KLHL2: variants seen among roughly 807,000 people sequenced by gnomAD.
KLHL2 encodes the protein kelch-like protein 2.
KLHL2 carries 15 observed loss-of-function variants against 75.8 expected under a neutral mutation model. The observed-to-expected ratio is 0.20, with a 90% CI of 0.13 to 0.30. The LOEUF (loss-of-function observed/expected upper bound fraction) is 0.30, where lower values mean the gene tolerates loss of function less well. Among genes scored for constraint, KLHL2 ranks in the 10% least tolerant of loss-of-function variants. The probability of loss-of-function intolerance (pLI) is 1.00; values close to 1 mark genes in which losing one functional copy is unlikely to be tolerated. For missense variants in KLHL2, 381 were observed against 741.0 expected, an observed-to-expected ratio of 0.51 and a Z score of 5.64; for synonymous variants, 214 against 251.9, an observed-to-expected ratio of 0.85 and a Z score of 1.42.
At chr4:165,311,632 T>A in intron 11 of KLHL2, 67 bp downstream of exon 11, 1 of 1,133,692 alleles carries the variant, frequency 8.8e-7, no homozygotes, top group South Asian at 1.3e-5. Flanking sequence ...CTTCCAGTAA[T>A]CTCAACTTTA....
intron 4 of KLHL2, among the ~76,000 whole-genome samples, chr4:165,254,408 G>C (rs556469599): frequency 1.2e-4 from 19 of 152,130 alleles, no homozygotes; most frequent in Non-Finnish European, 2.4e-4. Flanking sequence ...TAATGCTAAA[G>C]TAAAAGTCAT....
At chr4:165,245,289 G>T (rs891286773) in intron 4 of KLHL2, among the ~76,000 whole-genome samples, 2 of 152,174 alleles carry the variant, frequency 1.3e-5, no homozygotes, top group Non-Finnish European at 2.9e-5. Flanking sequence ...ATTCAGGTCT[G>T]AATGAGATGC....
chr4:165,230,569 CTT>C (rs35635891), intron 3 of KLHL2, among the ~76,000 whole-genome samples: 135 of 139,744 alleles, frequency 9.7e-4, no homozygotes, highest in Non-Finnish European at 1.2e-3. Context: ...AAGCTAGGCT[CTT>C]TTTTTTTTTT....
chr4:165,262,216 T>C (rs984503906), intron 4 of KLHL2, among the ~76,000 whole-genome samples: 1 of 152,244 alleles, frequency 6.6e-6, no homozygotes, highest in Non-Finnish European at 1.5e-5. Context: ...ATAATTAATA[T>C]AAAATTGCTT....
At chr4:165,226,590 G>T (rs191592872) in intron 2 of KLHL2, among the ~76,000 whole-genome samples, 3 of 152,166 alleles carry the variant, frequency 2.0e-5, no homozygotes, top group African/African-American at 4.8e-5. Context: ...TGGTCTTGCA[G>T]TACTTTGTTG....
chr4:165,214,449 A>G (rs1159220924), intron 1 of KLHL2, among the ~76,000 whole-genome samples: 1 of 152,158 alleles, frequency 6.6e-6, no homozygotes, highest in Admixed American at 6.5e-5. Flanking sequence ...AGGGACAAAA[A>G]GTGCCTGATT....
In KLHL2 at chr4:165,278,433, G is replaced by A. The variant is rs184929083; in HGVS notation, c.544+15074G>A. On this transcript the variant is annotated intron_variant, in intron 5 of 14. Coordinates refer to ENST00000226725, the MANE Select transcript of KLHL2 (RefSeq NM_007246.4). Reference sequence around the variant, plus strand: ...CGATTCATGGCATCCAAAATCTCTCGAGTTTGGAAACAAACAGCTTCTAAT... The same window carrying A: ...CGATTCATGGCATCCAAAATCTCTCAAGTTTGGAAACAAACAGCTTCTAAT... The A allele has an allele frequency of 1.7e-4, 251 of 1,492,312 alleles. 1 individual carries two copies. In the East Asian group the frequency reaches 5.1e-3, roughly 30 times the overall value. The allele number at this position is 1,492,312 out of a possible 1,614,324, so 92.4% of individuals were successfully genotyped here.
intron 1 of KLHL2, among the ~76,000 whole-genome samples, chr4:165,213,318 G>A (rs1352270521): frequency 6.6e-6 from 1 of 152,190 alleles, no homozygotes; most frequent in Non-Finnish European, 1.5e-5. Flanking sequence ...AGAGTCATGT[G>A]AAGTGACTTA....
rs1424688371 is a variant in KLHL2, at chr4:165,299,591, A to G, written c.856A>G (p.Thr286Ala). 2 of 1,613,814 alleles carry G rather than the reference A, an allele frequency of 1.2e-6. No individual in the cohort carries two copies. Among genetic ancestry groups the G allele is most frequent in the South Asian group, 2.2e-5 (2 of 91,070 alleles). ...IEAMKYHLLP[T>A]EQRILMKSVR... ...AGCAATGAAGTACCATTTGCTGCCAACAGAGCAGCGTATATTAATGAAGAG... is the reference window on the plus strand; with the variant it reads ...AGCAATGAAGTACCATTTGCTGCCAGCAGAGCAGCGTATATTAATGAAGAG... Residue 286 changes from threonine to alanine, a missense_variant, in exon 8 of 15, where the codon ACA (threonine) becomes GCA (alanine). Thr to Ala is a moderately conservative substitution (Grantham distance 58). Coordinates refer to ENST00000226725, the MANE Select transcript of KLHL2 (RefSeq NM_007246.4).
intron 4 of KLHL2, among the ~76,000 whole-genome samples, chr4:165,258,544 T>C (rs546240160): frequency 6.6e-6 from 1 of 152,306 alleles, no homozygotes; most frequent in African/African-American, 2.4e-5. Context: ...CTACCTCATA[T>C]GAGAAGCAGC....
chr4:165,287,534 T>C (rs10471096), intron 5 of KLHL2, among the ~76,000 whole-genome samples: 72,088 of 152,030 alleles, frequency 0.47, 18,033 homozygotes, highest in African/African-American at 0.61. Flanking sequence ...TTGGATCATA[T>C]GGTAGTTCTA....
Position 165,292,341 on chromosome 4 carries a change from A to AT in KLHL2, c.545-2009dup, listed in dbSNP as rs112716763. ...TAGTTATCTTGGGGTGAACTTTTTT[A>AT]TTTTTTTTTGAGACAGAATCTTACT... On this transcript the variant is annotated intron_variant, in intron 5 of 14. Transcript: ENST00000226725. 2.3e-3 allele frequency among the ~76,000 whole-genome samples: 351 copies of AT among 150,310 alleles called. 2 individuals are homozygous for AT. Among genetic ancestry groups the AT allele is most frequent in the African/African-American group, 8.2e-3 (336 of 40,838 alleles).
At chr4:165,218,917 T>C (rs535942881) in intron 1 of KLHL2, among the ~76,000 whole-genome samples, 74 of 152,354 alleles carry the variant, frequency 4.9e-4, no homozygotes, top group Admixed American at 1.4e-3. Flanking sequence ...ATTTTTTATG[T>C]AATAGCTTTA....
intron 14 of KLHL2, 92 bp downstream of exon 14, chr4:165,318,061 G>T: frequency 8.5e-7 from 1 of 1,181,476 alleles, no homozygotes; most frequent in Non-Finnish European, 1.2e-6. Flanking sequence ...TAAGAATAAA[G>T]TCTTTTCTCA....
intron 1 of KLHL2, among the ~76,000 whole-genome samples, chr4:165,214,792 G>C (rs1231401338): frequency 6.6e-6 from 1 of 151,936 alleles, no homozygotes; most frequent in Non-Finnish European, 1.5e-5. Context: ...TTTCAGCTCT[G>C]GAAAATTGGA....
intron 5 of KLHL2, among the ~76,000 whole-genome samples, chr4:165,292,612 C>T (rs113012942): frequency 0.067 from 10,117 of 152,000 alleles, 432 homozygotes; most frequent in Middle Eastern, 0.14. Context: ...AGATTACAGG[C>T]GTGAGCCACC....
intron 8 of KLHL2, among the ~76,000 whole-genome samples, chr4:165,302,865 C>T (rs778393093): frequency 6.6e-6 from 1 of 152,070 alleles, no homozygotes; most frequent in Non-Finnish European, 1.5e-5. Flanking sequence ...AACCTCCTAC[C>T]CCTTGCCCTC....
At chr4:165,272,266 A>G (rs1337383774) in intron 5 of KLHL2, among the ~76,000 whole-genome samples, 1 of 152,238 alleles carries the variant, frequency 6.6e-6, no homozygotes, top group Non-Finnish European at 1.5e-5. Flanking sequence ...GAATGCCTGT[A>G]GTGTGTAGCA....
chr4:165,310,995 T>G (rs1445567195), intron 10 of KLHL2, among the ~76,000 whole-genome samples: 2 of 151,758 alleles, frequency 1.3e-5, no homozygotes, highest in East Asian at 3.9e-4. Context: ...GCTGGGACTA[T>G]AGGTGCCCGC....
Sources: allele counts gnomAD v4.1 joint callset (sites outside exome capture counted in the v4.1 genomes callset), GRCh38; gene constraint gnomAD v4.1.1; transcripts MANE v1.5; gene names NCBI Gene and HGNC (gene_info 2026-07-23, HGNC 2026-07-21).